The following FDPS variants were observed in gnomAD, a reference collection of about 807,000 sequenced individuals.
FDPS encodes the protein farnesyl diphosphate synthase, also known as farnesyl pyrophosphate synthase.
In FDPS, 29 loss-of-function variants were observed where a neutral mutation model predicts 49.5. The observed-to-expected ratio is 0.59, with a 90% CI of 0.44 to 0.80. The LOEUF is 0.80. Ranked by LOEUF, FDPS falls within the 30% of genes least tolerant of loss-of-function variation. The pLI, the probability that FDPS is intolerant of heterozygous loss-of-function variation, is 0.00. For missense variants in FDPS, 414 were observed against 525.6 expected, an observed-to-expected ratio of 0.79 and a Z score of 2.08; for synonymous variants, 172 against 206.4, an observed-to-expected ratio of 0.83 and a Z score of 1.43.
In FDPS at chr1:155,318,641, A is replaced by G; in HGVS notation, c.685-24A>G. ...CGCATATCTGGAGAAAGCCTGGCTC[A>G]TGGACCGTCTTTGTCTTGCTTAGAG... On this transcript the variant is annotated intron_variant, in intron 6 of 10. Transcript: ENST00000368356. This position sits in a 1 kb window ranked among gnomAD's most constrained non-coding sequence, Gnocchi z 4.2. 6.4e-7 allele frequency: 1 copy of G among 1,568,968 alleles called. No homozygotes were observed. The highest frequency in any genetic ancestry group is 8.8e-7 in the Non-Finnish European group (1 of 1,138,928).
rs768866332 is a variant in FDPS, at chr1:155,312,238, C to T, written c.340-17C>T. 3 of 1,613,218 alleles carry T rather than the reference C, an allele frequency of 1.9e-6. No homozygotes were observed. Among genetic ancestry groups the T allele is most frequent in the Non-Finnish European group, 1.7e-6 (2 of 1,179,928 alleles). ...GTATGGACCCTGATACCCTGTACCT[C>T]TTTCCTTGCCCTCCAGGTCCTGGAG... On this transcript the variant is annotated splice_polypyrimidine_tract_variant and intron_variant, in intron 3 of 10. Coordinates refer to ENST00000368356, the MANE Select transcript of FDPS (RefSeq NM_002004.4).
chr1:155,319,562 G>A, intron 8 of FDPS, 49 bp from the exon 9 acceptor site: 1 of 1,599,204 alleles, frequency 6.3e-7, no homozygotes, highest in Non-Finnish European at 8.6e-7. Flanking sequence ...CAGCCAGGAA[G>A]ATGCCGGCAC....
In FDPS at chr1:155,313,842, G is replaced by A. The variant is rs60729631; in HGVS notation, c.480+1447G>A. On this transcript the variant is annotated intron_variant, in intron 4 of 10. Transcript: ENST00000368356. ...AATCAGTTCATTTTTTTTTTGAGAT[G>A]GAGTCTCTCTCTGTTGCCCAGGCTG... Among the ~76,000 whole-genome samples the A allele has an allele frequency of 2.0e-3, 298 of 151,766 alleles. 2 individuals are homozygous for A. Among genetic ancestry groups the A allele is most frequent in the African/African-American group, 6.9e-3 (286 of 41,368 alleles).
intron 4 of FDPS, among the ~76,000 whole-genome samples, chr1:155,315,878 A>C (rs535783898): frequency 2.0e-5 from 3 of 151,508 alleles, no homozygotes; most frequent in South Asian, 2.1e-4. Flanking sequence ...AAAAAAAAAA[A>C]AACACACAAA....
In FDPS at chr1:155,318,896, T is replaced by G. The variant is rs1390576363; in HGVS notation, c.814T>G (p.Phe272Val). The G allele has an allele frequency of 6.2e-7, 1 of 1,613,786 alleles. No homozygotes were observed. Among genetic ancestry groups the G allele is most frequent in the South Asian group, 1.1e-5 (1 of 91,074 alleles). Residue 272 changes from phenylalanine (F) to valine (V), a missense_variant, in exon 8 of 11, where the codon TTC becomes GTC. Coordinates refer to ENST00000368356, the MANE Select transcript of FDPS (RefSeq NM_002004.4). This position sits in a 1 kb window ranked among gnomAD's most constrained non-coding sequence, Gnocchi z 4.2. ...IVKYKTAFYS[F>V]YLPIAAAMYM... is the part of the protein sequence containing the mutation. Reference sequence around the variant, plus strand: ...CAAGTACAAGACAGCTTTCTACTCCTTCTACCTTCCTATAGCTGCAGCCAT... The same window carrying G: ...CAAGTACAAGACAGCTTTCTACTCCGTCTACCTTCCTATAGCTGCAGCCAT...
At chr1:155,315,292 C>G (rs574826430) in intron 4 of FDPS, among the ~76,000 whole-genome samples, 47 of 152,338 alleles carry the variant, frequency 3.1e-4, no homozygotes, top group African/African-American at 1.1e-3. Context: ...TGCCTGTAAT[C>G]CCAGCACTTT....
At chr1:155,311,207 C>G (rs931711581) in intron 3 of FDPS, among the ~76,000 whole-genome samples, 2 of 152,092 alleles carry the variant, frequency 1.3e-5, no homozygotes, top group Non-Finnish European at 2.9e-5. Context: ...GGCGTGGTGG[C>G]GCCCACATGT....
intron 10 of FDPS, 184 bp from the exon 11 acceptor site, chr1:155,320,224 GC>G: frequency 1.5e-6 from 1 of 656,326 alleles, no homozygotes; most frequent in East Asian, 2.7e-5. Context: ...CTGGTATGAG[GC>G]AATATTTGGG....
chr1:155,319,542 T>C lies in FDPS; in HGVS notation c.847-69T>C, dbSNP rs1249381371. 1.7e-5 allele frequency: 26 copies of C among 1,534,274 alleles called. No homozygotes were observed. The African/African-American group carries it at 2.9e-4, about 17-fold the overall frequency. On this transcript the variant is annotated intron_variant, in intron 8 of 10. Coordinates refer to ENST00000368356, the MANE Select transcript of FDPS (RefSeq NM_002004.4). Reference sequence around the variant, plus strand: ...GGGGCTGCAGTAGGGCAAGACCCCATGGGAGGAAGCAGCCAGGAAGATGCC... The same window carrying C: ...GGGGCTGCAGTAGGGCAAGACCCCACGGGAGGAAGCAGCCAGGAAGATGCC...
intron 4 of FDPS, chr1:155,317,475 A>G (rs1442345156): frequency 6.4e-6 from 1 of 155,136 alleles, no homozygotes; most frequent in Non-Finnish European, 1.4e-5. Flanking sequence ...TCACTTTCCA[A>G]GTCTCCATAG....
chr1:155,310,614 A>G (rs1648701380), intron 3 of FDPS, among the ~76,000 whole-genome samples: 1 of 152,096 alleles, frequency 6.6e-6, no homozygotes, highest in Admixed American at 6.5e-5. Flanking sequence ...CCTGGCCGAG[A>G]AAGCTTTTAC....
chr1:155,317,062 T>C (rs1649520064), intron 4 of FDPS: 1 of 152,186 alleles, frequency 6.6e-6, no homozygotes, highest in Admixed American at 6.5e-5. Flanking sequence ...AAGCCCTTAG[T>C]TAATGTTTAA....
At position 155,310,366 on chromosome 1, in the gene FDPS, G is replaced by A. The variant is rs558224690; in HGVS notation, c.339+161G>A. On this transcript the variant is annotated intron_variant, in intron 3 of 10. Coordinates refer to ENST00000368356, the MANE Select transcript of FDPS (RefSeq NM_002004.4). ...TGCTCTGTCACCTGGGCTGGAGTGC[G>A]ATGGTGTGATCTCGGCTTGCTGCAA... 134 of 632,610 alleles carry A rather than the reference G, an allele frequency of 2.1e-4. 2 individuals are homozygous for A. The Middle Eastern group carries it at 3.0e-3, about 14-fold the overall frequency. 39.2% of individuals were successfully genotyped at this position (632,610 alleles called of 1,614,324 possible). A position where few individuals can be genotyped will look rare whatever the true frequency, so the allele number is the denominator to read the frequency against.
Position 155,318,018 on chromosome 1 carries a change from G to C in FDPS, c.558G>C (p.Gln186His). ...LTRRGQICWY[Q>H]KPGVGLDAIN... ...GCCGGGGACAGATCTGCTGGTATCA[G>C]AAGGTAATGTGGGCAGGAAAATAGC... Residue 186 changes from glutamine (Q) to histidine (H), a missense_variant, in exon 5 of 11, where the codon CAG (glutamine) becomes CAC (histidine). Transcript: ENST00000368356. This position sits in a 1 kb window ranked among gnomAD's most constrained non-coding sequence, Gnocchi z 4.2. 1 of 1,614,098 alleles carries C rather than the reference G, an allele frequency of 6.2e-7. No homozygotes were observed. The highest frequency in any genetic ancestry group is 8.5e-7 in the Non-Finnish European group (1 of 1,180,004).
rs114709910 is a variant in FDPS, at chr1:155,319,222, A to G, written c.846+294A>G. 6.2e-3 allele frequency among the ~76,000 whole-genome samples: 938 copies of G among 152,298 alleles called. 10 individuals are homozygous for G. The highest frequency in any genetic ancestry group is 0.022 in the African/African-American group (914 of 41,546). ...GATCATCCAGGTTGAGAGGGAGAAG[A>G]GTGGATTAAAGACAGTCAGTGGGAT... On this transcript the variant is annotated intron_variant, in intron 8 of 10. Transcript: ENST00000368356.
chr1:155,318,622 T>G lies in FDPS; in HGVS notation c.685-43T>G. The G allele has an allele frequency of 6.9e-7, 1 of 1,452,066 alleles. No homozygotes were observed. The highest frequency in any genetic ancestry group is 9.7e-7 in the Non-Finnish European group (1 of 1,032,826). 89.9% of individuals were successfully genotyped at this position (1,452,066 alleles called of 1,614,324 possible). A position where few individuals can be genotyped will look rare whatever the true frequency, so the allele number is the denominator to read the frequency against. On this transcript the variant is annotated intron_variant, in intron 6 of 10. Coordinates refer to ENST00000368356, the MANE Select transcript of FDPS (RefSeq NM_002004.4). The surrounding 1 kb of genome is among the most constrained non-coding windows in gnomAD (Gnocchi z 4.2). ...GCTTGGGATACCAGGGTTTCGCATATCTGGAGAAAGCCTGGCTCATGGACC... is the reference window on the plus strand; with the variant it reads ...GCTTGGGATACCAGGGTTTCGCATAGCTGGAGAAAGCCTGGCTCATGGACC...
At position 155,319,412 on chromosome 1, in the gene FDPS, C is replaced by T. The variant is rs181536617; in HGVS notation, c.847-199C>T. On this transcript the variant is annotated intron_variant, in intron 8 of 10. Transcript: ENST00000368356. ...TAGAATGGATTCATCTCTTTTATGA[C>T]TCCCAGGAAGGCCTAGCCAAAAATA... Among the ~76,000 whole-genome samples the T allele has an allele frequency of 2.6e-3, 389 of 152,316 alleles. 1 individual carries two copies. The highest frequency in any genetic ancestry group is 2.3e-3 in the Non-Finnish European group (155 of 68,032).
At chr1:155,317,714 T>C in intron 4 of FDPS, 1 of 465,108 alleles carries the variant, frequency 2.2e-6, no homozygotes, top group Non-Finnish European at 3.8e-6. Context: ...GCATGGGGTA[T>C]GTGCCTATGG....
Position 155,318,944 on chromosome 1 carries a change from C to A in FDPS, c.846+16C>A. 1.3e-6 allele frequency: 2 copies of A among 1,594,768 alleles called. No individual in the cohort carries two copies. The highest frequency in any genetic ancestry group is 2.2e-5 in the South Asian group (2 of 90,696). On this transcript the variant is annotated intron_variant, in intron 8 of 10. Transcript: ENST00000368356. This position sits in a 1 kb window ranked among gnomAD's most constrained non-coding sequence, Gnocchi z 4.2. The stretch of plus-strand genomic sequence containing the variant: ...CATGTACATGGTGAGTGAGCCTCCT[C>A]ACCCCTCTCTGCTCTGCTGATGGGG...
Sources: allele counts gnomAD v4.1 joint callset (sites outside exome capture counted in the v4.1 genomes callset), GRCh38; gene constraint gnomAD v4.1.1; non-coding constraint Gnocchi (gnomAD v3.1); transcripts MANE v1.5; gene names NCBI Gene and HGNC (gene_info 2026-07-23, HGNC 2026-07-21).